The following LIMCH1 variants were observed in gnomAD, a reference collection of about 807,000 sequenced individuals.
LIMCH1 encodes LIM and calponin homology domains 1, also known as LIM and calponin homology domains-containing protein 1.
Under a neutral mutation model 176.5 loss-of-function variants are expected in LIMCH1, and 113 were observed. That is an observed-to-expected ratio of 0.64 (90% CI 0.55 to 0.75). The LOEUF (loss-of-function observed/expected upper bound fraction) is 0.75, where lower values mean the gene tolerates loss of function less well. LIMCH1 is among the 30% of genes least tolerant of loss of function. LIMCH1 has a pLI of 0.00. For synonymous variants in LIMCH1, 619 were observed against 645.9 expected, an observed-to-expected ratio of 0.96 and a Z score of 0.63; for missense variants, 1,674 against 1,814.9, an observed-to-expected ratio of 0.92 and a Z score of 1.41.
chr4:41,660,834 T>C (rs185150442), intron 18 of LIMCH1, among the ~76,000 whole-genome samples: 1 of 152,140 alleles, frequency 6.6e-6, no homozygotes, highest in Admixed American at 6.5e-5. Flanking sequence ...TTGAAATCTT[T>C]CAGAATGACC....
chr4:41,610,486 G>A (rs1420244400), intron 4 of LIMCH1, among the ~76,000 whole-genome samples: 1 of 152,168 alleles, frequency 6.6e-6, no homozygotes, highest in African/African-American at 2.4e-5. Context: ...ATTTATAAAT[G>A]TTTTATGATT....
rs1437350863 is a variant in LIMCH1 at position 41,646,661 on chromosome 4, C to G, written c.2588C>G (p.Ser863Cys). 1.9e-6 allele frequency: 3 copies of G among 1,614,214 alleles called. No individual in the cohort carries two copies. Among genetic ancestry groups the G allele is most frequent in the East Asian group, 4.5e-5 (2 of 44,884 alleles). Residue 863 changes from serine to cysteine, a missense_variant, in exon 17 of 32, where the codon TCC becomes TGC. Ser to Cys is a moderately radical substitution (Grantham distance 112). Around this residue, in one of 3 missense-constraint regions of LIMCH1, gnomAD observed 1,015 missense variants for 1,102.5 expected, o/e 0.92. Transcript: ENST00000503057. Reference protein sequence around the residue: ...RSHSTEPNLSSFLNDPNPMKY... With the variant: ...RSHSTEPNLSCFLNDPNPMKY... ...CATTCAACAGAGCCAAATTTATCCT[C>G]CTTCCTGAATGACCCCAATCCCATG...
intron 1 of LIMCH1, among the ~76,000 whole-genome samples, chr4:41,573,877 T>C (rs187804546): frequency 1.3e-5 from 2 of 152,308 alleles, no homozygotes; most frequent in African/African-American, 4.8e-5. Context: ...GATACTGGAT[T>C]ATAAAAGCCA....
At chr4:41,608,969 T>C (rs1262003869) in intron 4 of LIMCH1, among the ~76,000 whole-genome samples, 1 of 152,132 alleles carries the variant, frequency 6.6e-6, no homozygotes, top group Admixed American at 6.5e-5. Flanking sequence ...TCTAGCTCCT[T>C]GCCCAGAAAA....
rs761501125 is a variant in LIMCH1, at chr4:41,454,940, ATGTGTGTGTGTGTGTGTG to A, written c.97-39574_97-39557del. On this transcript the variant is annotated intron_variant, in intron 1 of 26. Transcript: ENST00000313860. ...TTTATAGCTGTGCTTGTATGCGTAC[ATGTGTGTGTGTGTGTGTG>A]TGTGTGTGTGTGTGTGTGTGTTTGT... Among the ~76,000 whole-genome samples the A allele has an allele frequency of 8.4e-5, 11 of 131,354 alleles. No homozygotes were observed. In the South Asian group the frequency reaches 1.5e-3, roughly 18 times the overall value. The allele number at this position is 131,354 out of a possible 152,430, so 86.2% of individuals were successfully genotyped here. A position where few individuals can be genotyped will look rare whatever the true frequency, so the allele number is the denominator to read the frequency against.
At chr4:41,614,109 C>A (rs771450430) in intron 5 of LIMCH1, among the ~76,000 whole-genome samples, 2 of 152,314 alleles carry the variant, frequency 1.3e-5, no homozygotes, top group Non-Finnish European at 2.9e-5. Context: ...AGTTCTGAAG[C>A]CTGGGATTGT....
chr4:41,583,102 T>A (rs1338076135), intron 1 of LIMCH1, among the ~76,000 whole-genome samples: 4 of 152,200 alleles, frequency 2.6e-5, no homozygotes, highest in African/African-American at 9.6e-5. Flanking sequence ...ACAATAACTC[T>A]ATGGAACTTA....
In LIMCH1 at chr4:41,697,895, T is replaced by A. The variant is rs1159301696; in HGVS notation, c.*710T>A. On this transcript the variant is annotated 3_prime_UTR_variant, in exon 32 of 32. Coordinates refer to ENST00000503057, the MANE Select transcript of LIMCH1 (RefSeq NM_001330672.2). The stretch of plus-strand genomic sequence containing the variant: ...GCAAAACCTTGCAATATCAGCTAGA[T>A]TTACACTCCGGGACGTTGCCCAAAG... 1 of 152,156 alleles carries A rather than the reference T, an allele frequency of 6.6e-6. No homozygotes were observed. The highest frequency in any genetic ancestry group is 1.5e-5 in the Non-Finnish European group (1 of 68,032). The allele number at this position is 152,156 out of a possible 1,614,324, so 9.4% of individuals were successfully genotyped here. A position where few individuals can be genotyped will look rare whatever the true frequency, so the allele number is the denominator to read the frequency against.
intron 1 of LIMCH1, among the ~76,000 whole-genome samples, chr4:41,384,681 G>A (rs1324826201): frequency 6.6e-6 from 1 of 152,206 alleles, no homozygotes; most frequent in African/African-American, 2.4e-5. Flanking sequence ...AGAAGAAAGG[G>A]CTGAGCTTGA....
chr4:41,497,956 G>C (rs2072511443), intron 2 of LIMCH1, among the ~76,000 whole-genome samples: 1 of 152,206 alleles, frequency 6.6e-6, no homozygotes, highest in Admixed American at 6.5e-5. Context: ...GCAGACCTAA[G>C]TTTGGGGAAG....
chr4:41,664,015 G>C (rs1308394430), intron 20 of LIMCH1, among the ~76,000 whole-genome samples: 5 of 152,044 alleles, frequency 3.3e-5, no homozygotes, highest in East Asian at 1.9e-4. Flanking sequence ...ACTCTAACCT[G>C]GGCGACACAG....
intron 1 of LIMCH1, among the ~76,000 whole-genome samples, chr4:41,578,660 A>G (rs549621940): frequency 6.6e-6 from 1 of 151,792 alleles, no homozygotes; most frequent in Non-Finnish European, 1.5e-5. Flanking sequence ...ATTTCCCCCC[A>G]CACATTTATT....
intron 1 of LIMCH1, among the ~76,000 whole-genome samples, chr4:41,382,407 GC>G (rs1448940702): frequency 2.0e-5 from 3 of 151,980 alleles, no homozygotes; most frequent in Admixed American, 2.0e-4. Context: ...AGGGAGGGGT[GC>G]TGTCAGAGGT....
At chr4:41,640,400 G>A (rs2152907948) in intron 14 of LIMCH1, among the ~76,000 whole-genome samples, 1 of 152,294 alleles carries the variant, frequency 6.6e-6, no homozygotes, top group South Asian at 2.1e-4. Flanking sequence ...GAAAGGAAGG[G>A]AAATTAAAGA....
chr4:41,423,263 T>A (rs1169459753), intron 1 of LIMCH1, among the ~76,000 whole-genome samples: 1 of 152,200 alleles, frequency 6.6e-6, no homozygotes, highest in Admixed American at 6.5e-5. Context: ...TTCCAAGTAA[T>A]CTTTTCAGGG....
chr4:41,615,167 C>T (rs1319163195), intron 5 of LIMCH1, among the ~76,000 whole-genome samples: 1 of 152,206 alleles, frequency 6.6e-6, no homozygotes, highest in Non-Finnish European at 1.5e-5. Flanking sequence ...AGTAGATTTA[C>T]TTTTCCAAAA....
At chr4:41,550,760 A>G (rs2080285279) in intron 1 of LIMCH1, among the ~76,000 whole-genome samples, 1 of 152,174 alleles carries the variant, frequency 6.6e-6, no homozygotes, top group Admixed American at 6.5e-5. Flanking sequence ...AGAATTAATG[A>G]ATTAATTGGT....
chr4:41,481,998 G>A (rs2068731624), intron 1 of LIMCH1, among the ~76,000 whole-genome samples: 2 of 152,036 alleles, frequency 1.3e-5, no homozygotes, highest in East Asian at 3.9e-4. Flanking sequence ...TTACAGGTGT[G>A]TACCACCATG....
chr4:41,613,926 C>T lies in LIMCH1; in HGVS notation c.205+265C>T, dbSNP rs545220531. Among the ~76,000 whole-genome samples, 4 of 152,320 alleles carry T rather than the reference C, an allele frequency of 2.6e-5. No individual in the cohort carries two copies. In the East Asian group the frequency reaches 7.7e-4, roughly 29 times the overall value. On this transcript the variant is annotated intron_variant, in intron 5 of 31. Coordinates refer to ENST00000503057, the MANE Select transcript of LIMCH1 (RefSeq NM_001330672.2). ...TGTTGGAAAATGTGTTACATCATTCCTCCCTTGGACTCAGTGAATCAAGAC... is the reference window on the plus strand; with the variant it reads ...TGTTGGAAAATGTGTTACATCATTCTTCCCTTGGACTCAGTGAATCAAGAC...
Sources: gnomAD v4.1 joint callset for allele counts (sites outside exome capture counted in the v4.1 genomes callset) on GRCh38, gnomAD v4.1.1 for gene constraint, gnomAD v4.1.1 regional missense constraint, MANE v1.5 for transcripts, NCBI Gene and HGNC (gene_info 2026-07-23, HGNC 2026-07-21) for gene names.